ADGB: variants seen among roughly 807,000 people sequenced by gnomAD.
ADGB encodes calpain-7-like protein.
Under a neutral mutation model 210.5 loss-of-function variants are expected in ADGB, and 172 were observed. The observed-to-expected ratio is 0.82, with a 90% confidence interval of 0.72 to 0.93. The LOEUF (loss-of-function observed/expected upper bound fraction) is 0.93. ADGB is among the 40% of genes least tolerant of loss of function. ADGB has a pLI of 0.00. For synonymous variants in ADGB, 658 were observed against 662.7 expected (o/e 0.99, Z 0.11); for missense variants, 2,025 against 1,964.8 (o/e 1.03, Z -0.58).
intron 12 of ADGB, among the ~76,000 whole-genome samples, chr6:146,699,093 G>C (rs1301456147): frequency 6.6e-6 from 1 of 152,126 alleles, no homozygotes; most frequent in East Asian, 1.9e-4. Context: ...GGGTTCTCCA[G>C]AGAGACTGAA....
At chr6:146,621,945 T>A (rs1780901157) in intron 1 of ADGB, among the ~76,000 whole-genome samples, 1 of 152,190 alleles carries the variant, frequency 6.6e-6, no homozygotes, top group South Asian at 2.1e-4. Flanking sequence ...ATTATATGTT[T>A]AAGCTTTTAA....
intron 33 of ADGB, among the ~76,000 whole-genome samples, chr6:146,797,831 G>C (rs1778069056): frequency 6.6e-6 from 1 of 151,820 alleles, no homozygotes; most frequent in South Asian, 2.1e-4. Context: ...TGAAGTAATG[G>C]GTGCACCAAA....
chr6:146,762,718 A>G (rs1001263975), intron 27 of ADGB, among the ~76,000 whole-genome samples: 12 of 152,130 alleles, frequency 7.9e-5, no homozygotes, highest in African/African-American at 2.9e-4. Context: ...AGTCAGTTCT[A>G]GAGTTGCCAT....
intron 33 of ADGB, among the ~76,000 whole-genome samples, chr6:146,797,374 T>C (rs920178494): frequency 6.6e-6 from 1 of 152,138 alleles, no homozygotes; most frequent in Non-Finnish European, 1.5e-5. Context: ...AAGAAGTCAC[T>C]ATATGAAAAA....
intron 1 of ADGB, among the ~76,000 whole-genome samples, chr6:146,627,699 C>G (rs1780997787): frequency 6.6e-6 from 1 of 152,094 alleles, no homozygotes; most frequent in Admixed American, 6.6e-5. Context: ...AAATACTTTG[C>G]TAAATATTCG....
chr6:146,770,095 C>T (rs1322220208), intron 29 of ADGB, among the ~76,000 whole-genome samples: 6 of 152,108 alleles, frequency 3.9e-5, no homozygotes, highest in African/African-American at 1.2e-4. Flanking sequence ...CTAGTTAGAT[C>T]CCATATGAAC....
chr6:146,670,709 C>T (rs1409641286), intron 7 of ADGB, among the ~76,000 whole-genome samples: 1 of 152,134 alleles, frequency 6.6e-6, no homozygotes, highest in African/African-American at 2.4e-5. Flanking sequence ...TCCACAAGAA[C>T]AGGGACCCTC....
chr6:146,742,393 ATAT>A (rs911359270), intron 25 of ADGB, among the ~76,000 whole-genome samples: 35 of 152,016 alleles, frequency 2.3e-4, no homozygotes, highest in African/African-American at 7.9e-4. Flanking sequence ...ATTAAATTTG[ATAT>A]TATCAAATTG....
At chr6:146,757,422 T>C (rs1777423635) in intron 27 of ADGB, among the ~76,000 whole-genome samples, 1 of 151,892 alleles carries the variant, frequency 6.6e-6, no homozygotes, top group Non-Finnish European at 1.5e-5. Flanking sequence ...TCTCTGTTCC[T>C]TGACTGTTTA....
Position 146,691,188 on chromosome 6 carries a change from A to T in ADGB, c.1384A>T (p.Ser462Cys), listed in dbSNP as rs1212331568. Residue 462 changes from serine (S) to cysteine (C), a missense_variant, in exon 11 of 36, where the codon AGT (serine) becomes TGT (cysteine). Coordinates refer to ENST00000397944, the MANE Select transcript of ADGB (RefSeq NM_024694.4). Reference protein sequence around the residue: ...ICSHPVLVTRSRSCPLVAPPK... With the variant: ...ICSHPVLVTRCRSCPLVAPPK... ...TAGCCATCCTGTGCTGGTGACTAGA[A>T]GTAGGTCTTGTCCTCTGGTAGCACC... 1.3e-6 allele frequency: 2 copies of T among 1,549,890 alleles called. No homozygotes were observed. Among genetic ancestry groups the T allele is most frequent in the Admixed American group, 3.9e-5 (2 of 50,698 alleles).
intron 27 of ADGB, among the ~76,000 whole-genome samples, chr6:146,753,751 C>T (rs908608288): frequency 1.3e-5 from 2 of 151,580 alleles, no homozygotes; most frequent in African/African-American, 2.4e-5. Context: ...TAGAATGAAA[C>T]CTATTTGGCC....
At chr6:146,691,442 A>ATATATATATAT (rs1491360806) in intron 11 of ADGB, among the ~76,000 whole-genome samples, 152 bp downstream of exon 11, 13 of 54,964 alleles carry the variant, frequency 2.4e-4, no homozygotes, top group African/African-American at 2.3e-3. Context: ...ATATATATAT[A>ATATATATATAT]AAAATATATA....
chr6:146,732,198 T>G lies in ADGB; in HGVS notation c.2521-922T>G, dbSNP rs1776997986. 2.6e-5 allele frequency among the ~76,000 whole-genome samples: 4 copies of G among 152,196 alleles called. No homozygotes were observed. In the South Asian group the frequency reaches 8.3e-4, roughly 32 times the overall value. ...ACGGGTATGTTAGCTGAATCCCATG[T>G]TTATAAACCAGATTTTCTATAACCT... On this transcript the variant is annotated intron_variant, in intron 20 of 35. Transcript: ENST00000397944.
Position 146,733,149 on chromosome 6 carries a change from G to T in ADGB, c.2550G>T (p.Met850Ile). ...TTCATCTTTCCTTATGGCGTTTAATGAAAAAAGTTCAAATAACAAAACCTC... is the reference window on the plus strand; with the variant it reads ...TTCATCTTTCCTTATGGCGTTTAATTAAAAAAGTTCAAATAACAAAACCTC... The part of the protein sequence containing the change: ...RVFHLSLWRL[M>I]KKVQITKPPP... Residue 850 changes from methionine (M) to isoleucine (I), a missense_variant, in exon 21 of 36, where the codon ATG (methionine) becomes ATT (isoleucine). Transcript: ENST00000397944. The T allele has an allele frequency of 6.5e-7, 1 of 1,530,828 alleles. No individual in the cohort carries two copies. The highest frequency in any genetic ancestry group is 8.8e-7 in the Non-Finnish European group (1 of 1,136,134). The allele number at this position is 1,530,828 out of a possible 1,614,324, so 94.8% of individuals were successfully genotyped here.
chr6:146,617,427 CTT>C (rs1158889152), intron 1 of ADGB, among the ~76,000 whole-genome samples: 1 of 151,980 alleles, frequency 6.6e-6, no homozygotes, highest in African/African-American at 2.4e-5. Context: ...GATGCCCTTT[CTT>C]TCTTTCTCTT....
chr6:146,809,442 G>A (rs1414708375), intron 35 of ADGB, among the ~76,000 whole-genome samples: 3 of 152,060 alleles, frequency 2.0e-5, no homozygotes, highest in Non-Finnish European at 1.5e-5. Context: ...TTGACCTCAG[G>A]TGATCCACCC....
At chr6:146,654,866 C>T (rs1775757395) in intron 4 of ADGB, among the ~76,000 whole-genome samples, 1 of 152,022 alleles carries the variant, frequency 6.6e-6, no homozygotes, top group Non-Finnish European at 1.5e-5. Context: ...GTATACAATA[C>T]AATATTGTTA....
At chr6:146,717,683 C>T in intron 16 of ADGB, 84 bp downstream of exon 16, 1 of 652,490 alleles carries the variant, frequency 1.5e-6, no homozygotes, top group Non-Finnish European at 2.5e-6. Flanking sequence ...TTTCTCAAAA[C>T]ATTTCTAAAC....
At chr6:146,632,785 C>A (rs1182157651) in intron 1 of ADGB, among the ~76,000 whole-genome samples, 3 of 152,102 alleles carry the variant, frequency 2.0e-5, no homozygotes, top group Non-Finnish European at 2.9e-5. Context: ...AATATTTGTT[C>A]CTGCTACATA....
Sources: gnomAD v4.1 joint callset for allele counts (sites outside exome capture counted in the v4.1 genomes callset) on GRCh38, gnomAD v4.1.1 for gene constraint, MANE v1.5 for transcripts, NCBI Gene and HGNC (gene_info 2026-07-23, HGNC 2026-07-21) for gene names.